Variants in GPC5 observed in about 807,000 individuals in gnomAD.
GPC5 encodes the protein glypican 5.
GPC5 carries 47 observed loss-of-function variants against 53.9 expected under a neutral mutation model. The ratio of observed to expected loss-of-function variants is 0.87; its 90% CI spans 0.69 to 1.11. The LOEUF (loss-of-function observed/expected upper bound fraction) is 1.11. Ranked by LOEUF, GPC5 falls within the 50% of genes most tolerant of loss-of-function variation. The pLI is 0.00. For synonymous variants in GPC5, 286 were observed against 263.3 expected, an observed-to-expected ratio of 1.09 and a Z score of -0.84; for missense variants, 748 against 713.1, an observed-to-expected ratio of 1.05 and a Z score of -0.56.
At position 92,212,543 on chromosome 13, in the gene GPC5, T is replaced by C. The variant is rs148871347; in HGVS notation, c.1561+67554T>C. On this transcript the variant is annotated intron_variant, in intron 7 of 7. Coordinates refer to ENST00000377067, the MANE Select transcript of GPC5 (RefSeq NM_004466.6). Reference sequence around the variant, plus strand: ...TCTTAAAGAGGAAGAAATTTCCATCTTCTTACATGTTTAAATTAAACTGCT... The same window carrying C: ...TCTTAAAGAGGAAGAAATTTCCATCCTCTTACATGTTTAAATTAAACTGCT... 1.8e-3 allele frequency among the ~76,000 whole-genome samples: 279 copies of C among 152,314 alleles called. 1 individual carries two copies. The highest frequency in any genetic ancestry group is 6.3e-3 in the African/African-American group (263 of 41,566).
intron 7 of GPC5, among the ~76,000 whole-genome samples, chr13:92,692,754 A>ATGTTTTT (rs1887443416): frequency 1.2e-5 from 1 of 81,050 alleles, no homozygotes; most frequent in Admixed American, 2.1e-4. Flanking sequence ...AATATCGGCT[A>ATGTTTTT]TTTTTTTTTT....
chr13:91,795,605 A>G (rs925077991), intron 5 of GPC5, among the ~76,000 whole-genome samples: 3 of 152,080 alleles, frequency 2.0e-5, no homozygotes, highest in African/African-American at 7.2e-5. Flanking sequence ...AGGGTATCTT[A>G]GTTGCTTCAT....
chr13:92,084,765 A>G (rs1458122147), intron 6 of GPC5, among the ~76,000 whole-genome samples: 2 of 152,232 alleles, frequency 1.3e-5, no homozygotes, highest in African/African-American at 4.8e-5. Flanking sequence ...TATCTTTGGT[A>G]CAAGATAAAT....
chr13:91,650,750 G>GTTTTTTTTTTTTTTTTTTTTTT lies in GPC5; in HGVS notation c.326-42436_326-42415dup, dbSNP rs67507888. ...CATCTGTGAAACAAAATTCCCATAAGTTTTTTTTTTTTTTTTTTTTTTAGC... is the reference window on the plus strand; with the variant it reads ...CATCTGTGAAACAAAATTCCCATAAGTTTTTTTTTTTTTTTTTTTTTTTTTTTTTTTTTTTTTTTTTTTTAGC... On this transcript the variant is annotated intron_variant, in intron 2 of 7. Coordinates refer to ENST00000377067, the MANE Select transcript of GPC5 (RefSeq NM_004466.6). 1.0e-3 allele frequency among the ~76,000 whole-genome samples: 104 copies of GTTTTTTTTTTTTTTTTTTTTTT among 99,576 alleles called. 2 individuals carry two copies. The highest frequency in any genetic ancestry group is 4.6e-3 in the East Asian group (14 of 3,042). The allele number at this position is 99,576 out of a possible 152,430, so 65.3% of individuals were successfully genotyped here. A position where few individuals can be genotyped will look rare whatever the true frequency, so the allele number is the denominator to read the frequency against.
chr13:92,370,705 T>C (rs925192178), intron 7 of GPC5, among the ~76,000 whole-genome samples: 1 of 152,242 alleles, frequency 6.6e-6, no homozygotes, highest in Non-Finnish European at 1.5e-5. Context: ...CTGTACATAG[T>C]ACATTGAATG....
At chr13:91,769,001 C>G (rs1247598472) in intron 5 of GPC5, among the ~76,000 whole-genome samples, 1 of 151,432 alleles carries the variant, frequency 6.6e-6, no homozygotes, top group African/African-American at 2.4e-5. Flanking sequence ...AAAACAAAAA[C>G]AAAACCAGTC....
At chr13:92,821,204 TTAAA>T (rs1877660933) in intron 7 of GPC5, among the ~76,000 whole-genome samples, 1 of 152,200 alleles carries the variant, frequency 6.6e-6, no homozygotes, top group Non-Finnish European at 1.5e-5. Flanking sequence ...ATTACATTTG[TTAAA>T]TGAATGAATG....
At chr13:91,988,280 C>G (rs1192177524) in intron 6 of GPC5, among the ~76,000 whole-genome samples, 3 of 152,044 alleles carry the variant, frequency 2.0e-5, no homozygotes, top group African/African-American at 7.2e-5. Flanking sequence ...TTATGAATAT[C>G]CTTGTATATG....
At chr13:92,559,326 G>GTA (rs1374039618) in intron 7 of GPC5, among the ~76,000 whole-genome samples, 9 of 114,138 alleles carry the variant, frequency 7.9e-5, no homozygotes, top group Admixed American at 3.8e-4. Context: ...TTTGTAGTGT[G>GTA]TATATGTGTG....
At chr13:91,663,172 C>A (rs575583260) in intron 2 of GPC5, among the ~76,000 whole-genome samples, 1 of 152,264 alleles carries the variant, frequency 6.6e-6, no homozygotes, top group East Asian at 1.9e-4. Context: ...TGGTTATATT[C>A]AATATTGGAT....
At chr13:92,648,477 G>A (rs1885846833) in intron 7 of GPC5, among the ~76,000 whole-genome samples, 2 of 151,968 alleles carry the variant, frequency 1.3e-5, no homozygotes, top group African/African-American at 2.4e-5. Flanking sequence ...ACCTCCTAGT[G>A]CAGATTTAAT....
chr13:92,359,298 G>C lies in GPC5; in HGVS notation c.1561+214309G>C, dbSNP rs540514075. Among the ~76,000 whole-genome samples the C allele has an allele frequency of 2.6e-4, 40 of 151,720 alleles. 2 individuals are homozygous for C. The highest frequency in any genetic ancestry group is 9.0e-4 in the African/African-American group (37 of 41,032). Reference sequence around the variant, plus strand: ...TGACCTTTACTCCATTTCCCAATAAGTTCCTCACCTCCGTCTGAGACTACC... The same window carrying C: ...TGACCTTTACTCCATTTCCCAATAACTTCCTCACCTCCGTCTGAGACTACC... On this transcript the variant is annotated intron_variant, in intron 7 of 7. Coordinates refer to ENST00000377067, the MANE Select transcript of GPC5 (RefSeq NM_004466.6).
intron 7 of GPC5, among the ~76,000 whole-genome samples, chr13:92,356,248 G>T (rs2043521402): frequency 6.6e-6 from 1 of 152,168 alleles, no homozygotes; most frequent in South Asian, 2.1e-4. Context: ...GTCCAGGGTG[G>T]CGGGAGAGGA....
rs377174747 is a variant in GPC5, at chr13:91,819,447, C to T, written c.1280+63027C>T. 4.6e-4 allele frequency among the ~76,000 whole-genome samples: 70 copies of T among 152,182 alleles called. 1 individual carries two copies. The South Asian group carries it at 0.014, about 31-fold the overall frequency. ...GTGCTGGGATTACAGGTGTGAGCCA[C>T]CACACCCGGCCATATGCTTTCTTAA... On this transcript the variant is annotated intron_variant, in intron 5 of 7. Coordinates refer to ENST00000377067, the MANE Select transcript of GPC5 (RefSeq NM_004466.6).
chr13:92,231,153 G>A (rs1436169315), intron 7 of GPC5, among the ~76,000 whole-genome samples: 2 of 152,268 alleles, frequency 1.3e-5, no homozygotes, highest in Middle Eastern at 6.8e-3. Context: ...GTCATGTAAA[G>A]GATTTAAAAC....
At chr13:92,452,751 T>A (rs768298256) in intron 7 of GPC5, among the ~76,000 whole-genome samples, 7 of 152,148 alleles carry the variant, frequency 4.6e-5, no homozygotes, top group Non-Finnish European at 1.0e-4. Context: ...GTATTTTTAG[T>A]GGTGACGGGG....
intron 7 of GPC5, among the ~76,000 whole-genome samples, chr13:92,827,622 G>A (rs531201851): frequency 1.3e-4 from 20 of 152,190 alleles, no homozygotes; most frequent in South Asian, 2.1e-4. Context: ...GCATGTACAC[G>A]CATGCCAACC....
intron 6 of GPC5, among the ~76,000 whole-genome samples, chr13:91,984,235 G>T (rs1010854852): frequency 1.3e-5 from 2 of 152,140 alleles, no homozygotes; most frequent in African/African-American, 4.8e-5. Context: ...TGCACTGGCA[G>T]TTATTGTAGA....
In GPC5 at chr13:91,693,688, A is replaced by G. The variant is rs139890891; in HGVS notation, c.827A>G (p.Asn276Ser). ...LTKPCMGYCL[N>S]VMRGCLAHMA... is the part of the protein sequence containing the mutation. The stretch of plus-strand genomic sequence containing the variant: ...AAGCCTTGTATGGGATACTGCCTCA[A>G]TGTCATGCGAGGCTGCCTGGCGCAC... Residue 276 changes from asparagine to serine, a missense_variant, in exon 3 of 8, where the codon AAT becomes AGT. Coordinates refer to ENST00000377067, the MANE Select transcript of GPC5 (RefSeq NM_004466.6). 16 of 1,614,160 alleles carry G rather than the reference A, an allele frequency of 9.9e-6. No individual in the cohort carries two copies. Among genetic ancestry groups the G allele is most frequent in the African/African-American group, 4.0e-5 (3 of 75,052 alleles).
Sources: allele counts gnomAD v4.1 joint callset (sites outside exome capture counted in the v4.1 genomes callset), GRCh38; gene constraint gnomAD v4.1.1; transcripts MANE v1.5; gene names NCBI Gene and HGNC (gene_info 2026-07-23, HGNC 2026-07-21).